The following RYR2 variants were observed in gnomAD, a reference collection of about 807,000 sequenced individuals.
RYR2 encodes cardiac muscle ryanodine receptor-calcium release channel.
RYR2 carries 227 observed loss-of-function variants against 601.1 expected under a neutral mutation model. The ratio of observed to expected loss-of-function variants is 0.38; its 90% CI spans 0.34 to 0.42. The LOEUF is 0.42. Ranked by LOEUF, RYR2 falls within the 10% of genes least tolerant of loss-of-function variation. The pLI is 1.00. For missense variants in RYR2, 4,646 were observed against 6,156.5 expected (o/e 0.75, Z 8.21); for synonymous variants, 2,223 against 2,175.1 (o/e 1.02, Z -0.61).
chr1:237,511,836 A>C, intron 24 of RYR2, 45 bp downstream of exon 24: 12 of 598,170 alleles, frequency 2.0e-5, no homozygotes, highest in East Asian at 5.3e-5. Flanking sequence ...CCTTCCCTGA[A>C]AAAAAAAAAA....
intron 3 of RYR2, chr1:237,333,554 T>C: frequency 4.4e-6 from 2 of 455,278 alleles, no homozygotes; most frequent in Non-Finnish European, 8.8e-6. Context: ...CGGCAGCAAC[T>C]GTTTACCAAG....
chr1:237,775,569 T>G (rs1040992790), intron 87 of RYR2, among the ~76,000 whole-genome samples: 1 of 152,176 alleles, frequency 6.6e-6, no homozygotes, highest in Non-Finnish European at 1.5e-5. Context: ...TTATTCAAAC[T>G]TCTACTAACT....
intron 1 of RYR2, among the ~76,000 whole-genome samples, chr1:237,256,346 A>G (rs549663867): frequency 6.6e-6 from 1 of 152,308 alleles, no homozygotes; most frequent in East Asian, 1.9e-4. Context: ...TGTCTTTATC[A>G]GCAGCGTGAG....
At chr1:237,408,203 G>A (rs767839712) in intron 10 of RYR2, among the ~76,000 whole-genome samples, 6 of 151,700 alleles carry the variant, frequency 4.0e-5, no homozygotes, top group African/African-American at 1.5e-4. Flanking sequence ...GTTACATTTA[G>A]GCCTATGGTT....
At chr1:237,228,448 A>T (rs1490167406) in intron 1 of RYR2, among the ~76,000 whole-genome samples, 1 of 152,178 alleles carries the variant, frequency 6.6e-6, no homozygotes, top group African/African-American at 2.4e-5. Flanking sequence ...ATGTGCAAGT[A>T]TCTTTTTCGT....
At chr1:237,393,742 T>C (rs927689163) in intron 10 of RYR2, among the ~76,000 whole-genome samples, 1 of 152,252 alleles carries the variant, frequency 6.6e-6, no homozygotes, top group Non-Finnish European at 1.5e-5. Flanking sequence ...GCTCTTTGCC[T>C]CTTCTCCTTT....
At chr1:237,530,630 G>A (rs1468581425) in intron 25 of RYR2, 120 bp downstream of exon 25, 2 of 792,328 alleles carry the variant, frequency 2.5e-6, no homozygotes, top group Admixed American at 4.2e-5. Context: ...CAGATTCAAG[G>A]CTGGGTGCGG....
intron 2 of RYR2, among the ~76,000 whole-genome samples, chr1:237,308,220 A>G (rs1023254942): frequency 4.6e-5 from 7 of 152,216 alleles, no homozygotes; most frequent in African/African-American, 7.2e-5. Flanking sequence ...AATAATATCG[A>G]TTCTTGCAAA....
chr1:237,572,901 C>A (rs1366429768), intron 29 of RYR2, among the ~76,000 whole-genome samples: 3 of 152,096 alleles, frequency 2.0e-5, no homozygotes, highest in Non-Finnish European at 4.4e-5. Context: ...CAAAAAAGCT[C>A]CTTAATTTAC....
intron 18 of RYR2, 130 bp from the exon 19 acceptor site, chr1:237,492,824 A>AAAGGAAGGAAGGAAGGAAAGG: frequency 1.3e-6 from 1 of 772,362 alleles, no homozygotes; most frequent in Non-Finnish European, 1.9e-6. Context: ...ATGCTGTCTG[A>AAAGGAAGGAAGGAAGGAAAGG]AAGGAAGGAA....
intron 61 of RYR2, 43 bp from the exon 62 acceptor site, chr1:237,680,413 A>G (rs748463921): frequency 6.3e-6 from 10 of 1,579,680 alleles, no homozygotes; most frequent in Non-Finnish European, 8.7e-6. Flanking sequence ...CATCCCCTGA[A>G]AGATTCCACT....
chr1:237,499,913 G>A (rs533795238), intron 20 of RYR2, among the ~76,000 whole-genome samples: 14 of 152,294 alleles, frequency 9.2e-5, no homozygotes, highest in Non-Finnish European at 1.8e-4. Flanking sequence ...GGACGAATTA[G>A]CAAAGGAGTT....
intron 1 of RYR2, among the ~76,000 whole-genome samples, chr1:237,181,803 A>C (rs1451709436): frequency 6.6e-6 from 1 of 152,222 alleles, no homozygotes; most frequent in East Asian, 1.9e-4. Flanking sequence ...TAGTTTTGAT[A>C]TAAAAAGAAG....
rs376533785 is a variant in RYR2, at chr1:237,436,152, A to G, written c.1006-5167A>G. On this transcript the variant is annotated intron_variant, in intron 12 of 104. Coordinates refer to ENST00000366574, the MANE Select transcript of RYR2 (RefSeq NM_001035.3). ...TCTCTCGTTTGATTTACTCATAGTC[A>G]ATTGATAAGGAACCTTAATTACCTC... Among the ~76,000 whole-genome samples the G allele has an allele frequency of 7.2e-5, 11 of 152,238 alleles. No individual in the cohort carries two copies. In the East Asian group the frequency reaches 1.2e-3, roughly 16 times the overall value.
intron 1 of RYR2, among the ~76,000 whole-genome samples, chr1:237,043,116 C>G (rs1322219889): frequency 6.6e-6 from 1 of 152,184 alleles, no homozygotes; most frequent in Non-Finnish European, 1.5e-5. Flanking sequence ...CGCAGCTGAC[C>G]GGGGGCGGGG....
At position 237,525,179 on chromosome 1, in the gene RYR2, T is replaced by C. The variant is rs137966491; in HGVS notation, c.2823-5248T>C. Among the ~76,000 whole-genome samples the C allele has an allele frequency of 2.1e-3, 324 of 152,280 alleles. 3 individuals are homozygous for C. Among genetic ancestry groups the C allele is most frequent in the Middle Eastern group, 0.01 (3 of 294 alleles). The stretch of plus-strand genomic sequence containing the variant: ...TTATTTCTGTCTTTATATCTGTGTG[T>C]ATCCACTTTGCTTGGCCCCCACTTA... On this transcript the variant is annotated intron_variant, in intron 24 of 104. Coordinates refer to ENST00000366574, the MANE Select transcript of RYR2 (RefSeq NM_001035.3).
At chr1:237,236,295 C>A (rs1209267696) in intron 1 of RYR2, among the ~76,000 whole-genome samples, 1 of 151,984 alleles carries the variant, frequency 6.6e-6, no homozygotes, top group Non-Finnish European at 1.5e-5. Context: ...TAGTACTGAG[C>A]TTTTCTTGGT....
intron 1 of RYR2, among the ~76,000 whole-genome samples, chr1:237,226,737 A>G (rs565231034): frequency 1.3e-5 from 2 of 152,240 alleles, no homozygotes; most frequent in South Asian, 2.1e-4. Context: ...AGAATGGAGT[A>G]GGGAAGACAT....
At chr1:237,814,135 C>T (rs938325853) in intron 100 of RYR2, among the ~76,000 whole-genome samples, 10 of 152,190 alleles carry the variant, frequency 6.6e-5, no homozygotes, top group African/African-American at 2.4e-4. Context: ...CTTACCAGTA[C>T]TTGTGCAGGG....
Sources: gnomAD v4.1 joint callset for allele counts (sites outside exome capture counted in the v4.1 genomes callset) on GRCh38, gnomAD v4.1.1 for gene constraint, MANE v1.5 for transcripts, NCBI Gene and HGNC (gene_info 2026-07-23, HGNC 2026-07-21) for gene names.